The following PIK3CB variants were observed in gnomAD, a reference collection of about 807,000 sequenced individuals.
PIK3CB encodes phosphatidylinositol 4,5-bisphosphate 3-kinase catalytic subunit beta isoform.
In PIK3CB, 39 loss-of-function variants were observed where a neutral mutation model predicts 136.8. That is an observed-to-expected ratio of 0.29 (90% CI 0.22 to 0.37). The LOEUF is 0.37. Ranked by LOEUF, PIK3CB falls within the 10% of genes least tolerant of loss-of-function variation. The pLI is 1.00. For missense variants in PIK3CB, 868 were observed against 1,275.4 expected, an observed-to-expected ratio of 0.68 and a Z score of 4.87; for synonymous variants, 428 against 436.6, an observed-to-expected ratio of 0.98 and a Z score of 0.25.
rs1436772602 is a variant in PIK3CB, at chr3:138,653,023, G to C, written c.*2366C>G. ...AACTTACAATAAAGTCACTTACCCA[G>C]GAATCTAACAAACGATGCATAATAT... On this transcript the variant is annotated 3_prime_UTR_variant, in exon 24 of 24. Coordinates refer to ENST00000674063, the MANE Select transcript of PIK3CB (RefSeq NM_006219.3). The C allele has an allele frequency of 9.6e-6, 2 of 208,374 alleles. No individual in the cohort carries two copies. Among genetic ancestry groups the C allele is most frequent in the Non-Finnish European group, 1.9e-5 (2 of 102,640 alleles). 12.9% of individuals were successfully genotyped at this position (208,374 alleles called of 1,614,324 possible). A position where few individuals can be genotyped will look rare whatever the true frequency, so the allele number is the denominator to read the frequency against.
chr3:138,730,407 G>C (rs2044944973), intron 8 of PIK3CB, among the ~76,000 whole-genome samples: 1 of 152,072 alleles, frequency 6.6e-6, no homozygotes, highest in South Asian at 2.1e-4. Context: ...TTAAGTAAAG[G>C]GCTGCAGAGA....
chr3:138,781,839 T>G (rs2045927230), intron 2 of PIK3CB, among the ~76,000 whole-genome samples: 1 of 152,134 alleles, frequency 6.6e-6, no homozygotes, highest in Non-Finnish European at 1.5e-5. Flanking sequence ...AGAGGATCAC[T>G]TGACGCCAGG....
chr3:138,816,922 C>T (rs767220143), intron 1 of PIK3CB, among the ~76,000 whole-genome samples: 1 of 152,042 alleles, frequency 6.6e-6, no homozygotes, highest in African/African-American at 2.4e-5. Flanking sequence ...AGTAATTGGC[C>T]GGGCGCCGTG....
Position 138,655,094 on chromosome 3 carries a change from A to T in PIK3CB, c.*295T>A. ...CTGGGAAGTACCAAATATTAGAAAA[A>T]ACAAACAAAAACGGAAACAATCCCT... is the stretch of plus-strand genomic sequence containing the variant. On this transcript the variant is annotated 3_prime_UTR_variant, in exon 24 of 24. Transcript: ENST00000674063. The T allele has an allele frequency of 2.8e-6, 1 of 352,714 alleles. No homozygotes were observed. Among genetic ancestry groups the T allele is most frequent in the Non-Finnish European group, 5.2e-6 (1 of 193,702 alleles). 21.8% of individuals were successfully genotyped at this position (352,714 alleles called of 1,614,324 possible).
intron 1 of PIK3CB, among the ~76,000 whole-genome samples, chr3:138,810,955 C>T (rs560967950): frequency 6.6e-6 from 1 of 150,732 alleles, no homozygotes; most frequent in Non-Finnish European, 1.5e-5. Flanking sequence ...CGGCCGGGCG[C>T]GGTGGCTCAC....
In PIK3CB at chr3:138,712,250, T is replaced by G. The variant is rs199624686; in HGVS notation, c.1357A>C (p.Arg453=). The change falls in exon 10 of 24, where the codon AGA becomes CGA. Residue 453 remains arginine (R), a synonymous_variant. Transcript: ENST00000674063. ...TMVFDFKGQL[R]TGDIILHSWS... ...CTGTGTAATATTATGTCTCCAGTTC[T>G]CAATTGTCCTTTAAAGTCAAAAACC... is the stretch of plus-strand genomic sequence containing the variant. 1 of 1,587,720 alleles carries G rather than the reference T, an allele frequency of 6.3e-7. No homozygotes were observed. Among genetic ancestry groups the G allele is most frequent in the East Asian group, 2.3e-5 (1 of 43,504 alleles).
At chr3:138,729,087 G>T (rs900604576) in intron 8 of PIK3CB, among the ~76,000 whole-genome samples, 7 of 151,824 alleles carry the variant, frequency 4.6e-5, no homozygotes, top group Admixed American at 2.0e-4. Flanking sequence ...TTGAGACCAG[G>T]CTGGCCAACA....
chr3:138,694,868 G>C lies in PIK3CB; in HGVS notation c.1810C>G (p.Arg604Gly). 3 of 1,606,220 alleles carry C rather than the reference G, an allele frequency of 1.9e-6. No individual in the cohort carries two copies. Among genetic ancestry groups the C allele is most frequent in the Non-Finnish European group, 2.6e-6 (3 of 1,175,594 alleles). ...AAATCCAGAAGCTCTAGGGCCTCCC[G>C]GGGGGGCAGTTTAGGCCAAATCTGA... is the stretch of plus-strand genomic sequence containing the variant. ...LLQIWPKLPP[R>G]EALELLDFNY... Residue 604 changes from arginine to glycine, a missense_variant, in exon 14 of 24, where the codon CGG becomes GGG. By Grantham distance (125) the Arg-to-Gly change is moderately radical. Transcript: ENST00000674063.
intron 1 of PIK3CB, among the ~76,000 whole-genome samples, chr3:138,801,717 G>T (rs2046177904): frequency 6.6e-6 from 1 of 151,800 alleles, no homozygotes; most frequent in South Asian, 2.1e-4. Context: ...ACAAAAATTA[G>T]CTGGGCATGG....
At chr3:138,801,861 CAAA>C (rs35232938) in intron 1 of PIK3CB, among the ~76,000 whole-genome samples, 4 of 57,386 alleles carry the variant, frequency 7.0e-5, no homozygotes, top group Non-Finnish European at 9.0e-5. Context: ...GACTCCATCT[CAAA>C]AAAAAAAAAA....
intron 1 of PIK3CB, among the ~76,000 whole-genome samples, chr3:138,822,883 TATGAA>T (rs1933623683): frequency 6.8e-6 from 1 of 146,642 alleles, no homozygotes; most frequent in African/African-American, 2.5e-5. Context: ...GAAATATATA[TATGAA>T]ATATTTATAC....
At chr3:138,745,668 C>T (rs141822716) in intron 4 of PIK3CB, among the ~76,000 whole-genome samples, 62 of 152,178 alleles carry the variant, frequency 4.1e-4, no homozygotes, top group African/African-American at 1.5e-3. Context: ...CAAAGTAGTT[C>T]CTGACTTCAG....
At chr3:138,789,398 G>A (rs553236638) in intron 2 of PIK3CB, among the ~76,000 whole-genome samples, 2 of 152,318 alleles carry the variant, frequency 1.3e-5, no homozygotes, top group African/African-American at 4.8e-5. Context: ...GGTGGAGGTT[G>A]CAGTGAGCCA....
intron 2 of PIK3CB, among the ~76,000 whole-genome samples, chr3:138,760,202 C>T (rs933018484): frequency 1.3e-5 from 2 of 152,190 alleles, no homozygotes; most frequent in Non-Finnish European, 2.9e-5. Context: ...GGATTACAGG[C>T]GTGACCCACC....
intron 21 of PIK3CB, among the ~76,000 whole-genome samples, chr3:138,659,561 T>A (rs2043251103): frequency 6.6e-6 from 1 of 151,878 alleles, no homozygotes; most frequent in South Asian, 2.1e-4. Flanking sequence ...AGGTTAGAAA[T>A]CATTTTCCCT....
At chr3:138,790,225 T>C (rs1043237339) in intron 2 of PIK3CB, among the ~76,000 whole-genome samples, 1 of 151,640 alleles carries the variant, frequency 6.6e-6, no homozygotes, top group Non-Finnish European at 1.5e-5. Flanking sequence ...AGGTATGGAG[T>C]TTCGGTTAGG....
At chr3:138,833,499 G>C (rs528734698) in intron 1 of PIK3CB, among the ~76,000 whole-genome samples, 25 of 152,212 alleles carry the variant, frequency 1.6e-4, no homozygotes, top group African/African-American at 5.3e-4. Context: ...TTACAATGTA[G>C]CATAAAAATC....
chr3:138,712,307 G>A lies in PIK3CB; in HGVS notation c.1303-3C>T. The A allele has an allele frequency of 1.4e-6, 2 of 1,455,754 alleles. No individual in the cohort carries two copies. Among genetic ancestry groups the A allele is most frequent in the East Asian group, 2.5e-5 (1 of 40,456 alleles). The allele number at this position is 1,455,754 out of a possible 1,614,324, so 90.2% of individuals were successfully genotyped here. A position where few individuals can be genotyped will look rare whatever the true frequency, so the allele number is the denominator to read the frequency against. ...TTTACCCACGCTACAGGATAATGCT[G>A]TTGAAAAAGATACCATTGCATAAAT... On this transcript the variant is annotated splice_region_variant and splice_polypyrimidine_tract_variant and intron_variant, in intron 9 of 23. Transcript: ENST00000674063.
intron 19 of PIK3CB, among the ~76,000 whole-genome samples, chr3:138,673,311 A>G (rs1281258333): frequency 1.3e-5 from 2 of 151,800 alleles, no homozygotes; most frequent in Non-Finnish European, 2.9e-5. Flanking sequence ...AAAAGGCACA[A>G]TGAAAATGGT....
Sources: gnomAD v4.1 joint callset for allele counts (sites outside exome capture counted in the v4.1 genomes callset) on GRCh38, gnomAD v4.1.1 for gene constraint, MANE v1.5 for transcripts, NCBI Gene and HGNC (gene_info 2026-07-23, HGNC 2026-07-21) for gene names.